Variants in PRKN observed in about 807,000 individuals in gnomAD.
PRKN encodes E3 ubiquitin-protein ligase parkin.
A neutral mutation model predicts 59.5 loss-of-function variants in PRKN; 56 were observed. That is an observed-to-expected ratio of 0.94 (90% confidence interval 0.76 to 1.18). The LOEUF (loss-of-function observed/expected upper bound fraction) is 1.18. PRKN is among the 50% of genes most tolerant of loss of function. The pLI is 0.00. For synonymous variants in PRKN, 250 were observed against 222.1 expected, an observed-to-expected ratio of 1.13 and a Z score of -1.12; for missense variants, 657 against 596.4, an observed-to-expected ratio of 1.10 and a Z score of -1.06.
chr6:162,095,947 C>G (rs1053529695), intron 4 of PRKN, among the ~76,000 whole-genome samples: 3 of 152,162 alleles, frequency 2.0e-5, no homozygotes, highest in Non-Finnish European at 4.4e-5. Context: ...ACCCACAGTG[C>G]CTAACAGCAT....
chr6:161,763,800 C>G (rs1272173427), intron 7 of PRKN, among the ~76,000 whole-genome samples: 3 of 152,052 alleles, frequency 2.0e-5, no homozygotes, highest in Non-Finnish European at 4.4e-5. Context: ...AGCTGAAGAC[C>G]TACCCGTCCT....
intron 4 of PRKN, among the ~76,000 whole-genome samples, chr6:162,191,901 T>C (rs1262479541): frequency 2.6e-5 from 4 of 152,152 alleles, no homozygotes; most frequent in African/African-American, 9.7e-5. Context: ...TCAACAAGAA[T>C]GTCCTGATGG....
At chr6:162,017,592 G>T (rs1206720602) in intron 5 of PRKN, among the ~76,000 whole-genome samples, 3 of 151,734 alleles carry the variant, frequency 2.0e-5, no homozygotes, top group Non-Finnish European at 4.4e-5. Context: ...AAAAACCATG[G>T]TTTAACATTT....
chr6:162,724,405 A>C (rs1443029606), intron 1 of PRKN, among the ~76,000 whole-genome samples: 2 of 152,152 alleles, frequency 1.3e-5, no homozygotes, highest in African/African-American at 4.8e-5. Flanking sequence ...CCAATAAGGG[A>C]ATCTTCGGTT....
rs186265738 is a variant in PRKN at position 162,105,471 on chromosome 6, G to A, written c.535-51297C>T. Among the ~76,000 whole-genome samples, 148 of 152,174 alleles carry A rather than the reference G, an allele frequency of 9.7e-4. 1 individual carries two copies. Among genetic ancestry groups the A allele is most frequent in the African/African-American group, 3.3e-3 (139 of 41,524 alleles). On this transcript the variant is annotated intron_variant, in intron 4 of 11. Coordinates refer to ENST00000366898, the MANE Select transcript of PRKN (RefSeq NM_004562.3). ...GCCTAGAGTGCAATGGCGCGATTTC[G>A]GCTCACTGCAACCTCCACTTCCTGG...
intron 9 of PRKN, among the ~76,000 whole-genome samples, chr6:161,504,312 T>C (rs891807296): frequency 6.6e-6 from 1 of 152,074 alleles, no homozygotes; most frequent in Non-Finnish European, 1.5e-5. Flanking sequence ...CCGGCAGGGA[T>C]TGCCATGGGG....
At chr6:162,523,983 G>A (rs1778177271) in intron 1 of PRKN, among the ~76,000 whole-genome samples, 1 of 152,200 alleles carries the variant, frequency 6.6e-6, no homozygotes, top group East Asian at 1.9e-4. Flanking sequence ...CCAGAATACG[G>A]GCTTTGCTGG....
At chr6:162,145,730 G>T (rs957358384) in intron 4 of PRKN, among the ~76,000 whole-genome samples, 1 of 152,136 alleles carries the variant, frequency 6.6e-6, no homozygotes, top group Non-Finnish European at 1.5e-5. Flanking sequence ...TAAATACAGT[G>T]TTGGCCCGCA....
rs1429533744 is a variant in PRKN at position 161,468,997 on chromosome 6, T to G, written c.1083+79857A>C. 1.3e-5 allele frequency among the ~76,000 whole-genome samples: 2 copies of G among 152,174 alleles called. No homozygotes were observed. The highest frequency in any genetic ancestry group is 2.9e-5 in the Non-Finnish European group (2 of 68,022). ...CTACAGGCCAAGTAAAATTCCTTCA[T>G]GCATCTCCTAATGACTCCCCACCAA... On this transcript the variant is annotated intron_variant, in intron 9 of 11. Transcript: ENST00000366898. This position sits in a 1 kb window ranked among gnomAD's most constrained non-coding sequence, Gnocchi z 5.9.
intron 7 of PRKN, among the ~76,000 whole-genome samples, chr6:161,640,197 T>G (rs1783687683): frequency 6.6e-6 from 1 of 152,210 alleles, no homozygotes; most frequent in Non-Finnish European, 1.5e-5. Context: ...TGAAAATACT[T>G]TTTCTTCTCT....
chr6:162,587,992 T>TTGAACTAAG (rs1365749024), intron 1 of PRKN, among the ~76,000 whole-genome samples: 1 of 151,524 alleles, frequency 6.6e-6, no homozygotes, highest in East Asian at 1.9e-4. Flanking sequence ...ATAACCATAC[T>TTGAACTAAG]TGAACTAAGT....
chr6:162,437,206 A>C (rs912765832), intron 2 of PRKN, among the ~76,000 whole-genome samples: 1 of 152,208 alleles, frequency 6.6e-6, no homozygotes, highest in Admixed American at 6.5e-5. Flanking sequence ...GTGTCTGCTA[A>C]TCAATTAAAT....
At chr6:161,731,690 AG>A (rs1229649653) in intron 7 of PRKN, among the ~76,000 whole-genome samples, 2 of 152,234 alleles carry the variant, frequency 1.3e-5, no homozygotes, top group Non-Finnish European at 2.9e-5. Context: ...ATTACAAGTC[AG>A]AAATTAAACT....
At position 161,428,544 on chromosome 6, in the gene PRKN, C is replaced by T. The variant is rs552366234; in HGVS notation, c.1084-41667G>A. On this transcript the variant is annotated intron_variant, in intron 9 of 11. Transcript: ENST00000366898. This position sits in a 1 kb window ranked among gnomAD's most constrained non-coding sequence, Gnocchi z 4.0. ...CCATAAAGGCCGTGGCACCTTCTTG[C>T]ATCTCTAAGTGTGTGGCATTGTGGC... is the stretch of plus-strand genomic sequence containing the variant. 6.6e-6 allele frequency among the ~76,000 whole-genome samples: 1 copy of T among 152,308 alleles called. No individual in the cohort carries two copies. Among genetic ancestry groups the T allele is most frequent in the East Asian group, 1.9e-4 (1 of 5,184 alleles).
intron 5 of PRKN, among the ~76,000 whole-genome samples, chr6:161,999,291 G>T (rs1003564721): frequency 2.0e-5 from 3 of 152,022 alleles, no homozygotes; most frequent in Non-Finnish European, 2.9e-5. Context: ...GGGCGGAGGA[G>T]ATGTCACTGC....
At chr6:162,047,166 A>G (rs1272065944) in intron 5 of PRKN, among the ~76,000 whole-genome samples, 1 of 152,206 alleles carries the variant, frequency 6.6e-6, no homozygotes, top group Admixed American at 6.5e-5. Flanking sequence ...GTGGGGACCA[A>G]CGTAAGGGCA....
At chr6:161,686,152 A>G (rs1038175871) in intron 7 of PRKN, among the ~76,000 whole-genome samples, 2 of 151,944 alleles carry the variant, frequency 1.3e-5, no homozygotes, top group African/African-American at 4.8e-5. Context: ...TTGAGAGCAT[A>G]AGAAGTTTGA....
chr6:162,290,898 A>G (rs1781400067), intron 2 of PRKN, among the ~76,000 whole-genome samples: 1 of 152,202 alleles, frequency 6.6e-6, no homozygotes, highest in Non-Finnish European at 1.5e-5. Flanking sequence ...AAATGAACAT[A>G]ATGCTAGTCT....
At chr6:162,028,956 T>A (rs1783539746) in intron 5 of PRKN, among the ~76,000 whole-genome samples, 1 of 152,206 alleles carries the variant, frequency 6.6e-6, no homozygotes, top group Admixed American at 6.5e-5. Context: ...CCATAAATTA[T>A]TACTGTGGTG....
Sources: allele counts gnomAD v4.1 joint callset (sites outside exome capture counted in the v4.1 genomes callset), GRCh38; gene constraint gnomAD v4.1.1; non-coding constraint Gnocchi (gnomAD v3.1); transcripts MANE v1.5; gene names NCBI Gene and HGNC (gene_info 2026-07-23, HGNC 2026-07-21).